The following UBE2E2 variants were observed in gnomAD, a reference collection of about 807,000 sequenced individuals.
UBE2E2 encodes the protein ubiquitin-conjugating enzyme E2 E2.
Under a neutral mutation model 24.7 loss-of-function variants are expected in UBE2E2, and 6 were observed. The observed-to-expected ratio is 0.24, with a 90% confidence interval of 0.13 to 0.48. The LOEUF is 0.48. UBE2E2 is among the 20% of genes least tolerant of loss of function. The pLI is 0.99. For missense variants in UBE2E2, 169 were observed against 245.0 expected (o/e 0.69, Z 2.07); for synonymous variants, 104 against 83.6 (o/e 1.24, Z -1.33).
Position 23,267,908 on chromosome 3 carries a change from A to G in UBE2E2, c.227+50596A>G, listed in dbSNP as rs1219766332. 6.6e-5 allele frequency among the ~76,000 whole-genome samples: 10 copies of G among 151,488 alleles called. No individual in the cohort carries two copies. The South Asian group carries it at 1.9e-3, about 29-fold the overall frequency. On this transcript the variant is annotated intron_variant, in intron 3 of 5. Transcript: ENST00000396703. ...ATGCAAGGCTGGTTCAATATATGCA[A>G]ATCAATAAACGTAATCCAGCATATA...
At chr3:23,463,397 T>A (rs905167354) in intron 3 of UBE2E2, among the ~76,000 whole-genome samples, 6 of 152,124 alleles carry the variant, frequency 3.9e-5, no homozygotes, top group Non-Finnish European at 8.8e-5. Context: ...TCAGTTTAAC[T>A]TCTCACGTCA....
At chr3:23,425,558 A>AACCACTCCC (rs1697906205) in intron 3 of UBE2E2, among the ~76,000 whole-genome samples, 1 of 152,190 alleles carries the variant, frequency 6.6e-6, no homozygotes, top group South Asian at 2.1e-4. Context: ...TTACAGGGTA[A>AACCACTCCC]ACCACTCCCA....
intron 3 of UBE2E2, among the ~76,000 whole-genome samples, chr3:23,409,808 G>T (rs1283487069): frequency 1.3e-5 from 2 of 152,112 alleles, no homozygotes; most frequent in African/African-American, 4.8e-5. Flanking sequence ...CTGTCTTCTG[G>T]TGGCTGCTAG....
At chr3:23,339,327 T>G (rs1695314985) in intron 3 of UBE2E2, among the ~76,000 whole-genome samples, 1 of 152,146 alleles carries the variant, frequency 6.6e-6, no homozygotes, top group South Asian at 2.1e-4. Flanking sequence ...AGTGTGGTAT[T>G]TGGATCAAAC....
intron 3 of UBE2E2, among the ~76,000 whole-genome samples, chr3:23,359,076 T>A (rs1008786904): frequency 6.6e-6 from 1 of 152,216 alleles, no homozygotes; most frequent in Non-Finnish European, 1.5e-5. Context: ...TCATTGCCGT[T>A]TTTGACTATT....
intron 4 of UBE2E2, among the ~76,000 whole-genome samples, chr3:23,527,367 A>G (rs1410341276): frequency 6.6e-6 from 1 of 152,242 alleles, no homozygotes; most frequent in Non-Finnish European, 1.5e-5. Context: ...ACAGATGTTC[A>G]TAGCAGCTTT....
chr3:23,264,917 C>T (rs1439650946), intron 3 of UBE2E2, among the ~76,000 whole-genome samples: 1 of 152,108 alleles, frequency 6.6e-6, no homozygotes, highest in African/African-American at 2.4e-5. Flanking sequence ...TGAAATGCAG[C>T]ATAGAGATGC....
intron 3 of UBE2E2, among the ~76,000 whole-genome samples, chr3:23,218,695 C>T (rs1041735947): frequency 3.3e-5 from 5 of 151,938 alleles, no homozygotes; most frequent in Non-Finnish European, 1.5e-5. Flanking sequence ...AAATAAACAA[C>T]TTTGTTTTAA....
chr3:23,515,111 T>A (rs1160684446), intron 4 of UBE2E2, among the ~76,000 whole-genome samples: 1 of 147,036 alleles, frequency 6.8e-6, no homozygotes, highest in Non-Finnish European at 1.5e-5. Flanking sequence ...AGGGACAAAA[T>A]AAACTTGGGG....
At chr3:23,234,768 C>T (rs186134791) in intron 3 of UBE2E2, among the ~76,000 whole-genome samples, 11 of 152,190 alleles carry the variant, frequency 7.2e-5, no homozygotes, top group Non-Finnish European at 1.3e-4. Context: ...TACATGTTAT[C>T]ATGTTGTTAA....
intron 3 of UBE2E2, among the ~76,000 whole-genome samples, chr3:23,252,432 T>G (rs1415701336): frequency 6.6e-6 from 1 of 152,194 alleles, no homozygotes; most frequent in African/African-American, 2.4e-5. Context: ...AAAAAGAATT[T>G]GTGTGATTTA....
At position 23,573,320 on chromosome 3, in the gene UBE2E2, A is replaced by G. The variant is rs112334914; in HGVS notation, c.509-16414A>G. Among the ~76,000 whole-genome samples, 2 of 152,338 alleles carry G rather than the reference A, an allele frequency of 1.3e-5. 1 individual carries two copies. Among genetic ancestry groups the G allele is most frequent in the African/African-American group, 4.8e-5 (2 of 41,586 alleles). On this transcript the variant is annotated intron_variant, in intron 5 of 5. Coordinates refer to ENST00000396703, the MANE Select transcript of UBE2E2 (RefSeq NM_152653.4). The stretch of plus-strand genomic sequence containing the variant: ...GTGAATATAGAGAGCCTTTATAAAC[A>G]TGCATCAAACCAGAAAATATTAAAG...
chr3:23,512,910 A>G (rs1460638894), intron 4 of UBE2E2, among the ~76,000 whole-genome samples: 1 of 151,838 alleles, frequency 6.6e-6, no homozygotes, highest in Non-Finnish European at 1.5e-5. Context: ...GTGGCAGAGC[A>G]GGACCTTGAC....
Position 23,329,677 on chromosome 3 carries a change from C to T in UBE2E2, c.227+112365C>T, listed in dbSNP as rs184817292. ...CACACTGGATGGCGGCACAGTTGTTCTGATTGTTGGCTAGGAAGTCTTCCA... is the reference window on the plus strand; with the variant it reads ...CACACTGGATGGCGGCACAGTTGTTTTGATTGTTGGCTAGGAAGTCTTCCA... On this transcript the variant is annotated intron_variant, in intron 3 of 5. Coordinates refer to ENST00000396703, the MANE Select transcript of UBE2E2 (RefSeq NM_152653.4). Among the ~76,000 whole-genome samples, 1,272 of 152,310 alleles carry T rather than the reference C, an allele frequency of 8.4e-3. 16 individuals are homozygous for T. Among genetic ancestry groups the T allele is most frequent in the African/African-American group, 0.028 (1,167 of 41,574 alleles).
chr3:23,359,282 C>T (rs1696048946), intron 3 of UBE2E2, among the ~76,000 whole-genome samples: 1 of 152,098 alleles, frequency 6.6e-6, no homozygotes, highest in Non-Finnish European at 1.5e-5. Flanking sequence ...CTAACATCTC[C>T]TTTGAGAAAT....
At chr3:23,551,415 A>G (rs1214467545) in intron 5 of UBE2E2, among the ~76,000 whole-genome samples, 3 of 152,234 alleles carry the variant, frequency 2.0e-5, no homozygotes, top group African/African-American at 7.2e-5. Context: ...AAACCAGAAT[A>G]TTAAACTGAA....
intron 4 of UBE2E2, among the ~76,000 whole-genome samples, chr3:23,506,523 A>G (rs1377658681): frequency 2.0e-5 from 3 of 152,138 alleles, no homozygotes; most frequent in Admixed American, 1.3e-4. Flanking sequence ...AACATTTCTC[A>G]CCATCTTTCC....
intron 5 of UBE2E2, among the ~76,000 whole-genome samples, chr3:23,573,995 T>TA (rs755697173): frequency 1.4e-4 from 21 of 150,898 alleles, no homozygotes; most frequent in Admixed American, 5.3e-4. Flanking sequence ...TTTGACTGAA[T>TA]AAAAAAAAAT....
intron 3 of UBE2E2, among the ~76,000 whole-genome samples, chr3:23,456,107 A>G (rs1157829116): frequency 6.6e-6 from 1 of 152,234 alleles, no homozygotes; most frequent in Non-Finnish European, 1.5e-5. Flanking sequence ...TTAAGTAATC[A>G]CTTTCTTTGC....
Sources: allele counts gnomAD v4.1 joint callset (sites outside exome capture counted in the v4.1 genomes callset), GRCh38; gene constraint gnomAD v4.1.1; transcripts MANE v1.5; gene names NCBI Gene and HGNC (gene_info 2026-07-23, HGNC 2026-07-21).